WDPCP: variants seen among roughly 807,000 people sequenced by gnomAD.
WDPCP encodes the protein WD repeat containing planar cell polarity effector, also known as WD repeat-containing and planar cell polarity effector protein fritz homolog.
WDPCP carries 71 observed loss-of-function variants against 93.1 expected under a neutral mutation model. The observed-to-expected ratio is 0.76, with a 90% CI of 0.63 to 0.93. WDPCP has a LOEUF of 0.93. Ranked by LOEUF, WDPCP falls within the 40% of genes least tolerant of loss-of-function variation. The pLI is 0.00. For synonymous variants in WDPCP, 315 were observed against 315.0 expected, an observed-to-expected ratio of 1.00 and a Z score of 0.00; for missense variants, 844 against 887.4, an observed-to-expected ratio of 0.95 and a Z score of 0.62.
At chr2:63,305,927 C>G (rs1685698321) in intron 13 of WDPCP, among the ~76,000 whole-genome samples, 2 of 152,232 alleles carry the variant, frequency 1.3e-5, no homozygotes, top group Middle Eastern at 3.4e-3. Context: ...GATAGAGACA[C>G]AAATGACCCT....
intron 2 of WDPCP, among the ~76,000 whole-genome samples, chr2:63,760,703 C>T (rs1270172556): frequency 1.3e-5 from 2 of 152,146 alleles, no homozygotes; most frequent in African/African-American, 2.4e-5. Flanking sequence ...AGGAAAAGGG[C>T]GAAGGTCTAG....
Position 63,792,367 on chromosome 2 carries a change from C to T in WDPCP, n.308+21255G>A, listed in dbSNP as rs569509018. On this transcript the variant is annotated intron_variant and non_coding_transcript_variant, in intron 2 of 4. Coordinates refer to the WDPCP transcript ENST00000467687. The stretch of plus-strand genomic sequence containing the variant: ...ATCAGATCTCATGAGAACTCACTCA[C>T]TATCATGAGAACAGCATGGGGGAAA... Among the ~76,000 whole-genome samples the T allele has an allele frequency of 4.6e-4, 70 of 152,292 alleles. 1 individual carries two copies. Among genetic ancestry groups the T allele is most frequent in the African/African-American group, 1.6e-3 (67 of 41,552 alleles).
intron 8 of WDPCP, among the ~76,000 whole-genome samples, chr2:63,436,760 A>G (rs1455628934): frequency 2.0e-5 from 3 of 152,142 alleles, no homozygotes; most frequent in African/African-American, 7.2e-5. Flanking sequence ...ATCCTAGCAG[A>G]GAATATGCCT....
At chr2:63,231,751 C>G (rs942613939) in intron 14 of WDPCP, among the ~76,000 whole-genome samples, 4 of 152,122 alleles carry the variant, frequency 2.6e-5, no homozygotes, top group Non-Finnish European at 5.9e-5. Context: ...AATGGCCATA[C>G]TGCCCAAGGT....
chr2:63,461,490 C>T (rs1274429364), intron 6 of WDPCP, among the ~76,000 whole-genome samples: 2 of 152,172 alleles, frequency 1.3e-5, no homozygotes, highest in Non-Finnish European at 2.9e-5. Context: ...GCTTCTTGTA[C>T]AGCCTGCATA....
At chr2:63,257,976 A>G (rs1224040631) in intron 14 of WDPCP, among the ~76,000 whole-genome samples, 2 of 152,112 alleles carry the variant, frequency 1.3e-5, no homozygotes, top group Non-Finnish European at 2.9e-5. Flanking sequence ...GGGATGGAGG[A>G]TATTTCCCCA....
intron 6 of WDPCP, among the ~76,000 whole-genome samples, chr2:63,451,649 G>A (rs1193559223): frequency 6.6e-6 from 1 of 152,106 alleles, no homozygotes. Flanking sequence ...AAAAAAAGAG[G>A]ATTTTAGACC....
At chr2:63,197,302 G>A (rs1015462800) in intron 14 of WDPCP, among the ~76,000 whole-genome samples, 1 of 152,062 alleles carries the variant, frequency 6.6e-6, no homozygotes, top group African/African-American at 2.4e-5. Context: ...TCTATTGTAA[G>A]AAGATAGTAT....
At chr2:63,272,500 A>G (rs1338413567) in intron 13 of WDPCP, among the ~76,000 whole-genome samples, 1 of 152,258 alleles carries the variant, frequency 6.6e-6, no homozygotes, top group Admixed American at 6.5e-5. Flanking sequence ...ACAGATTGCA[A>G]TGAAAAAGAA....
chr2:63,316,260 T>C (rs1686632043), intron 12 of WDPCP, among the ~76,000 whole-genome samples: 1 of 152,016 alleles, frequency 6.6e-6, no homozygotes, highest in South Asian at 2.1e-4. Flanking sequence ...CCAGAGATGA[T>C]AAATGATATG....
chr2:63,830,452 T>C (rs1303107835), upstream of WDPCP, among the ~76,000 whole-genome samples: 1 of 152,152 alleles, frequency 6.6e-6, no homozygotes, highest in East Asian at 1.9e-4. Context: ...CCTAAATGTT[T>C]TGTTTGTCTG....
intron 12 of WDPCP, among the ~76,000 whole-genome samples, chr2:63,360,893 A>ACAGAGTCAATG (rs1467507795): frequency 6.6e-6 from 1 of 152,224 alleles, no homozygotes; most frequent in East Asian, 1.9e-4. Flanking sequence ...GGATGACTAC[A>ACAGAGTCAATG]CAGAGTCAAT....
At chr2:63,571,290 C>T in intron 1 of WDPCP, 1 of 435,710 alleles carries the variant, frequency 2.3e-6, no homozygotes, top group South Asian at 1.7e-5. Flanking sequence ...ACATATGCCA[C>T]AAACCTCACA....
At chr2:63,290,827 C>T (rs1684365338) in intron 13 of WDPCP, among the ~76,000 whole-genome samples, 1 of 151,816 alleles carries the variant, frequency 6.6e-6, no homozygotes. Flanking sequence ...TTTAAAGATA[C>T]AATTTTTTGT....
intron 2 of WDPCP, among the ~76,000 whole-genome samples, chr2:63,811,186 G>A (rs1343848105): frequency 6.6e-6 from 1 of 152,158 alleles, no homozygotes; most frequent in Non-Finnish European, 1.5e-5. Flanking sequence ...ACTATAAGGT[G>A]GCTCCCCATG....
chr2:63,285,828 G>A (rs558902680), intron 13 of WDPCP, among the ~76,000 whole-genome samples: 1 of 152,276 alleles, frequency 6.6e-6, no homozygotes, highest in East Asian at 1.9e-4. Context: ...TCCTCTCGAA[G>A]TAGTTGAGAG....
intron 12 of WDPCP, among the ~76,000 whole-genome samples, chr2:63,338,167 A>G (rs893120940): frequency 2.2e-4 from 33 of 152,072 alleles, no homozygotes; most frequent in African/African-American, 7.5e-4. Flanking sequence ...TTTTAATTTA[A>G]TTTTTGTGTA....
chr2:63,839,597 C>G, the WDPCP span, among the ~76,000 whole-genome samples: 3 of 152,188 alleles, frequency 2.0e-5, no homozygotes, highest in East Asian at 1.9e-4. Flanking sequence ...ACAAATAAAT[C>G]TCTTCATTGT....
Position 63,378,358 on chromosome 2 carries a change from C to T in WDPCP, c.1748+28G>A, listed in dbSNP as rs148495362. On this transcript the variant is annotated intron_variant, in intron 12 of 17. Coordinates refer to ENST00000272321, the MANE Select transcript of WDPCP (RefSeq NM_015910.7). ...CTCCTGAAATAAGTAATTAGTCTGA[C>T]GCTAATCAATCCAAACATATCATTC... 1,393 of 1,612,208 alleles carry T rather than the reference C, an allele frequency of 8.6e-4. 17 individuals carry two copies. In the African/African-American group the frequency reaches 0.015, roughly 18 times the overall value.
Sources: gnomAD v4.1 joint callset for allele counts (sites outside exome capture counted in the v4.1 genomes callset) on GRCh38, gnomAD v4.1.1 for gene constraint, MANE v1.5 for transcripts, NCBI Gene and HGNC (gene_info 2026-07-23, HGNC 2026-07-21) for gene names.